The following CD8B2 variants were observed in gnomAD, a reference collection of about 807,000 sequenced individuals.
CD8B2 encodes T-cell surface glycoprotein CD8 beta-2 chain.
A neutral mutation model predicts 23.7 loss-of-function variants in CD8B2; 11 were observed. That is an observed-to-expected ratio of 0.46 (90% CI 0.29 to 0.77). The LOEUF (loss-of-function observed/expected upper bound fraction) is 0.77. Among genes scored for constraint, CD8B2 ranks in the 30% least tolerant of loss-of-function variants. CD8B2 has a pLI of 0.09. For synonymous variants in CD8B2, 90 were observed against 109.3 expected (o/e 0.82, Z 1.10); for missense variants, 197 against 270.5 (o/e 0.73, Z 1.91).
intron 3 of CD8B2, among the ~76,000 whole-genome samples, chr2:106,500,986 C>T (rs1417106089): frequency 1.3e-5 from 2 of 152,162 alleles, no homozygotes; most frequent in Non-Finnish European, 2.9e-5. Context: ...AAAACTAAAA[C>T]ATTTTGATGA....
chr2:106,492,893 G>A (rs1198237115), intron 2 of CD8B2, among the ~76,000 whole-genome samples: 2 of 152,150 alleles, frequency 1.3e-5, no homozygotes, highest in African/African-American at 4.8e-5. Flanking sequence ...AATGGACTTT[G>A]GGAGTTTGGG....
chr2:106,513,689 C>T (rs1198734051), downstream of CD8B2, among the ~76,000 whole-genome samples: 1 of 151,802 alleles, frequency 6.6e-6, no homozygotes, highest in East Asian at 1.9e-4. Context: ...AAGACCAGAC[C>T]AGGCAAAAGG....
chr2:106,493,995 A>C (rs371058604), intron 2 of CD8B2, among the ~76,000 whole-genome samples: 8 of 152,246 alleles, frequency 5.3e-5, no homozygotes, highest in African/African-American at 1.9e-4. Context: ...CTTCCCATCA[A>C]TGTCTTGAAG....
intron 5 of CD8B2, among the ~76,000 whole-genome samples, chr2:106,517,789 T>G (rs1679753173): frequency 6.6e-6 from 1 of 152,072 alleles, no homozygotes; most frequent in South Asian, 2.1e-4. Context: ...CTCGGCTCAC[T>G]GCAAGCTCCG....
intron 5 of CD8B2, among the ~76,000 whole-genome samples, chr2:106,527,907 C>G (rs72821876): frequency 0.048 from 7,348 of 152,294 alleles, 229 homozygotes; most frequent in Non-Finnish European, 0.063. Flanking sequence ...CTCCACACCC[C>G]CTCTCTGCTG....
intron 5 of CD8B2, among the ~76,000 whole-genome samples, chr2:106,520,534 C>G (rs1372800341): frequency 6.6e-6 from 1 of 152,140 alleles, no homozygotes; most frequent in African/African-American, 2.4e-5. Context: ...CGATAATATC[C>G]GAGGTTTGTT....
At chr2:106,535,856 A>G (rs984839521) in intron 5 of CD8B2, among the ~76,000 whole-genome samples, 4 of 152,100 alleles carry the variant, frequency 2.6e-5, no homozygotes. Flanking sequence ...AAAAGAAAAA[A>G]GAGGGTTAAT....
At position 106,508,345 on chromosome 2, in the gene CD8B2, A is replaced by T. The variant is rs555359348; in HGVS notation, c.*1405A>T. On this transcript the variant is annotated 3_prime_UTR_variant, in exon 6 of 6. Transcript: ENST00000643224. ...AGAATGTAAGAAATGTTACAAAAAAAACAGGAAAGGAAAGACGACTCTGGG... is the reference window on the plus strand; with the variant it reads ...AGAATGTAAGAAATGTTACAAAAAATACAGGAAAGGAAAGACGACTCTGGG... The T allele has an allele frequency of 3.7e-4, 56 of 152,284 alleles. No individual in the cohort carries two copies. Among genetic ancestry groups the T allele is most frequent in the African/African-American group, 1.3e-3 (56 of 41,542 alleles). The allele number at this position is 152,284 out of a possible 1,614,324, so 9.4% of individuals were successfully genotyped here.
intron 5 of CD8B2, among the ~76,000 whole-genome samples, chr2:106,517,144 C>A (rs1488215329): frequency 1.3e-5 from 2 of 151,628 alleles, no homozygotes; most frequent in Admixed American, 1.3e-4. Context: ...TAGCTTCCTT[C>A]CATATTTTTT....
chr2:106,499,043 C>A (rs999625230), intron 3 of CD8B2, among the ~76,000 whole-genome samples: 5 of 151,990 alleles, frequency 3.3e-5, no homozygotes, highest in African/African-American at 1.2e-4. Flanking sequence ...GCAAATGACC[C>A]CTTACCCAAG....
chr2:106,537,447 C>A (rs531040865), intron 5 of CD8B2, among the ~76,000 whole-genome samples: 5 of 152,254 alleles, frequency 3.3e-5, no homozygotes, highest in Admixed American at 1.3e-4. Flanking sequence ...CACCAAGACA[C>A]GACATCTTAA....
At chr2:106,515,875 T>A (rs1039954991), downstream of CD8B2, among the ~76,000 whole-genome samples, 1 of 151,702 alleles carries the variant, frequency 6.6e-6, no homozygotes, top group Non-Finnish European at 1.5e-5. Flanking sequence ...CAGGCTGGAG[T>A]GCAATGGCGT....
intron 3 of CD8B2, among the ~76,000 whole-genome samples, chr2:106,498,592 T>C (rs1326681840): frequency 6.6e-6 from 1 of 152,106 alleles, no homozygotes; most frequent in Non-Finnish European, 1.5e-5. Flanking sequence ...GGAAAGTAGG[T>C]GGAGGTTACA....
intron 4 of CD8B2, among the ~76,000 whole-genome samples, chr2:106,503,448 T>C (rs1679452115): frequency 1.3e-5 from 2 of 152,158 alleles, no homozygotes; most frequent in Non-Finnish European, 2.9e-5. Context: ...TACCCCATTC[T>C]AAGAAACCCA....
chr2:106,512,893 G>A (rs1224598371), downstream of CD8B2, among the ~76,000 whole-genome samples: 2 of 152,150 alleles, frequency 1.3e-5, no homozygotes, highest in South Asian at 2.1e-4. Context: ...ACAGCCTCTA[G>A]GCCTCAGTTC....
rs964886531 is a variant in CD8B2, at chr2:106,510,772, T to A, written c.*3832T>A. ...CTAAAAAAAGTTTCTTGTTTTTTTT[T>A]CTTCCCATATTTTTTAAAACATAAA... On this transcript the variant is annotated 3_prime_UTR_variant, in exon 6 of 6. Coordinates refer to ENST00000643224, the MANE Select transcript of CD8B2 (RefSeq NM_001349727.2). 2 of 152,178 alleles carry A rather than the reference T, an allele frequency of 1.3e-5. No individual in the cohort carries two copies. Among genetic ancestry groups the A allele is most frequent in the Non-Finnish European group, 2.9e-5 (2 of 68,050 alleles). 9.4% of individuals were successfully genotyped at this position (152,178 alleles called of 1,614,324 possible). A position where few individuals can be genotyped will look rare whatever the true frequency, so the allele number is the denominator to read the frequency against.
chr2:106,514,913 A>C (rs937551430), downstream of CD8B2, among the ~76,000 whole-genome samples: 27 of 152,338 alleles, frequency 1.8e-4, no homozygotes, highest in African/African-American at 4.8e-5. Context: ...TTTGCATACA[A>C]ATGTCACTGA....
chr2:106,536,175 C>T (rs903825362), intron 5 of CD8B2, among the ~76,000 whole-genome samples: 1 of 151,958 alleles, frequency 6.6e-6, no homozygotes, highest in Admixed American at 6.6e-5. Flanking sequence ...GCTGGGATTA[C>T]AGGCAAGTGC....
chr2:106,519,545 G>T (rs1052035928), intron 5 of CD8B2, among the ~76,000 whole-genome samples: 9 of 152,182 alleles, frequency 5.9e-5, no homozygotes, highest in Admixed American at 2.0e-4. Context: ...CTAGTGTTCA[G>T]CCCTGATGCC....
Sources: gnomAD v4.1 joint callset for allele counts (sites outside exome capture counted in the v4.1 genomes callset) on GRCh38, gnomAD v4.1.1 for gene constraint, MANE v1.5 for transcripts, NCBI Gene and HGNC (gene_info 2026-07-23, HGNC 2026-07-21) for gene names.